The following CCDC148 variants were observed in gnomAD, a reference collection of about 807,000 sequenced individuals.
CCDC148 encodes coiled-coil domain containing 148, also known as coiled-coil domain-containing protein 148.
CCDC148 carries 89 observed loss-of-function variants against 85.7 expected under a neutral mutation model. That is an observed-to-expected ratio of 1.04 (90% confidence interval 0.87 to 1.24). The LOEUF (loss-of-function observed/expected upper bound fraction) is 1.24. CCDC148 is among the 50% of genes most tolerant of loss of function. The pLI, the probability that CCDC148 is intolerant of heterozygous loss-of-function variation, is 0.00. For synonymous variants in CCDC148, 230 were observed against 213.9 expected (o/e 1.08, Z -0.66); for missense variants, 692 against 671.7 (o/e 1.03, Z -0.33).
rs1686336909 is a variant in CCDC148 at position 158,413,054 on chromosome 2, C to T, written c.25+43361G>A. Among the ~76,000 whole-genome samples the T allele has an allele frequency of 2.0e-5, 3 of 151,926 alleles. No homozygotes were observed. The South Asian group carries it at 6.2e-4, about 31-fold the overall frequency. On this transcript the variant is annotated intron_variant, in intron 1 of 13. Transcript: ENST00000283233. ...CATGTAGCCACATACAAAGGTTTTA[C>T]TACCTAAACAATTTTTCCAAACAAG...
rs375751848 is a variant in CCDC148, at chr2:158,344,234, G to T, written c.251+981C>A. On this transcript the variant is annotated intron_variant, in intron 3 of 13. Transcript: ENST00000283233. ...AGGTGACTTTTTGAGGGATAAGATG[G>T]GTCTAATTTCATTGTATTTAAAGTA... Among the ~76,000 whole-genome samples, 13 of 152,008 alleles carry T rather than the reference G, an allele frequency of 8.6e-5. 2 individuals carry two copies. Among genetic ancestry groups the T allele is most frequent in the Admixed American group, 6.5e-4 (10 of 15,270 alleles).
chr2:158,399,410 T>G (rs894254624), intron 1 of CCDC148, among the ~76,000 whole-genome samples: 12 of 152,050 alleles, frequency 7.9e-5, no homozygotes, highest in African/African-American at 2.9e-4. Flanking sequence ...CAGCAGTACA[T>G]CAAAAAGCTT....
intron 10 of CCDC148, among the ~76,000 whole-genome samples, chr2:158,230,337 G>A (rs1687794058): frequency 6.6e-6 from 1 of 152,168 alleles, no homozygotes; most frequent in Non-Finnish European, 1.5e-5. Flanking sequence ...TTAGTAGAAG[G>A]TATCTTTTAA....
intron 9 of CCDC148, among the ~76,000 whole-genome samples, chr2:158,302,663 A>C (rs991361849): frequency 3.7e-4 from 56 of 152,068 alleles, no homozygotes; most frequent in African/African-American, 1.2e-3. Flanking sequence ...ACATGCCTGT[A>C]ATCCCAGCTC....
chr2:158,319,187 C>T (rs776905161), intron 7 of CCDC148, among the ~76,000 whole-genome samples: 16 of 152,254 alleles, frequency 1.1e-4, no homozygotes, highest in Non-Finnish European at 2.1e-4. Context: ...TTGCTCCCAC[C>T]CCTGCTCCTG....
In CCDC148 at chr2:158,272,417, G is replaced by A. The variant is rs1000298901; in HGVS notation, c.1111-21505C>T. 2.6e-5 allele frequency among the ~76,000 whole-genome samples: 4 copies of A among 152,112 alleles called. No individual in the cohort carries two copies. The East Asian group carries it at 5.8e-4, about 22-fold the overall frequency. On this transcript the variant is annotated intron_variant, in intron 9 of 13. Coordinates refer to ENST00000283233, the MANE Select transcript of CCDC148 (RefSeq NM_138803.4). ...ATAGTTCTCGGATGAATGGAATAAA[G>A]TATTCTTGAATAAAAGTCAAAAAGA...
chr2:158,245,212 C>T (rs1330256285), intron 10 of CCDC148, among the ~76,000 whole-genome samples: 2 of 152,120 alleles, frequency 1.3e-5, no homozygotes, highest in Non-Finnish European at 2.9e-5. Flanking sequence ...TAGACTATTT[C>T]TCCTCTTCTT....
intron 1 of CCDC148, among the ~76,000 whole-genome samples, chr2:158,359,731 C>T (rs1047267707): frequency 2.6e-5 from 4 of 152,142 alleles, no homozygotes; most frequent in East Asian, 1.9e-4. Flanking sequence ...ACCAGAGCCC[C>T]GGGTTTCAAG....
At chr2:158,182,584 G>A (rs1684956055) in intron 11 of CCDC148, among the ~76,000 whole-genome samples, 1 of 152,082 alleles carries the variant, frequency 6.6e-6, no homozygotes, top group Admixed American at 6.6e-5. Context: ...GAGAGACAAG[G>A]CGGAGCTGGA....
At chr2:158,196,789 C>T (rs1028322710) in intron 11 of CCDC148, among the ~76,000 whole-genome samples, 2 of 151,986 alleles carry the variant, frequency 1.3e-5, no homozygotes, top group African/African-American at 4.8e-5. Context: ...CTATACCCTA[C>T]TCTGCACTTG....
intron 8 of CCDC148, among the ~76,000 whole-genome samples, chr2:158,310,884 C>T (rs940470974): frequency 2.0e-5 from 3 of 149,426 alleles, no homozygotes; most frequent in Admixed American, 6.7e-5. Flanking sequence ...ACTGGGTGGC[C>T]GGGCAGAGGG....
chr2:158,185,533 T>G (rs1000622879), intron 11 of CCDC148, among the ~76,000 whole-genome samples: 4 of 152,128 alleles, frequency 2.6e-5, no homozygotes, highest in African/African-American at 9.7e-5. Flanking sequence ...CTGTTGATTT[T>G]AATCAGTTCT....
At chr2:158,317,162 T>A (rs1692318382) in intron 7 of CCDC148, among the ~76,000 whole-genome samples, 3 of 152,198 alleles carry the variant, frequency 2.0e-5, no homozygotes, top group African/African-American at 7.2e-5. Flanking sequence ...AAGAAAATTT[T>A]AAAGAAAACT....
chr2:158,448,083 T>C (rs975475469), intron 1 of CCDC148, among the ~76,000 whole-genome samples: 5 of 152,120 alleles, frequency 3.3e-5, no homozygotes, highest in African/African-American at 7.2e-5. Context: ...AAGTTCAGTA[T>C]TTTGCATATG....
chr2:158,362,529 C>T (rs1684003206), intron 1 of CCDC148, among the ~76,000 whole-genome samples: 2 of 152,156 alleles, frequency 1.3e-5, no homozygotes, highest in Non-Finnish European at 2.9e-5. Context: ...CAAAACTGCA[C>T]AACTACATGG....
intron 10 of CCDC148, among the ~76,000 whole-genome samples, chr2:158,228,423 A>AGAAATAC (rs1687670410): frequency 6.6e-6 from 1 of 152,250 alleles, no homozygotes; most frequent in South Asian, 2.1e-4. Context: ...ATCTAGAGCT[A>AGAAATAC]GAAATACCAT....
At chr2:158,384,927 T>C (rs1375145474) in intron 1 of CCDC148, among the ~76,000 whole-genome samples, 1 of 152,166 alleles carries the variant, frequency 6.6e-6, no homozygotes, top group East Asian at 1.9e-4. Flanking sequence ...GCCTGAGTTA[T>C]TTTCCAGAAC....
At chr2:158,340,781 T>C in intron 3 of CCDC148, 101 bp from the exon 4 acceptor site, 1 of 698,530 alleles carries the variant, frequency 1.4e-6, no homozygotes, top group South Asian at 2.1e-5. Flanking sequence ...GGCTTTGTCA[T>C]CTGTTCATTT....
chr2:158,171,232 G>A lies in CCDC148; in HGVS notation c.*881C>T, dbSNP rs573410122. On this transcript the variant is annotated 3_prime_UTR_variant, in exon 14 of 14. Transcript: ENST00000283233. ...CAGAGGCTGCAACCCCTGGGAGGTAGGTGGGAAATGTCAGGGAGCTGCAAT... is the reference window on the plus strand; with the variant it reads ...CAGAGGCTGCAACCCCTGGGAGGTAAGTGGGAAATGTCAGGGAGCTGCAAT... 6.6e-6 allele frequency: 1 copy of A among 151,864 alleles called. No individual in the cohort carries two copies. Among genetic ancestry groups the A allele is most frequent in the South Asian group, 2.1e-4 (1 of 4,824 alleles). The allele number at this position is 151,864 out of a possible 1,614,324, so 9.4% of individuals were successfully genotyped here.
Sources: gnomAD v4.1 joint callset for allele counts (sites outside exome capture counted in the v4.1 genomes callset) on GRCh38, gnomAD v4.1.1 for gene constraint, MANE v1.5 for transcripts, NCBI Gene and HGNC (gene_info 2026-07-23, HGNC 2026-07-21) for gene names.